Variants in MIA2 observed in about 807,000 individuals in gnomAD.
MIA2 encodes MIA SH3 domain ER export factor 2.
MIA2 carries 127 observed loss-of-function variants against 167.8 expected under a neutral mutation model. The ratio of observed to expected loss-of-function variants is 0.76; its 90% CI spans 0.66 to 0.88. The LOEUF is 0.88. Ranked by LOEUF, MIA2 falls within the 40% of genes least tolerant of loss-of-function variation. MIA2 has a pLI of 0.00. For synonymous variants in MIA2, 552 were observed against 541.9 expected (o/e 1.02, Z -0.26); for missense variants, 1,690 against 1,624.7 (o/e 1.04, Z -0.69).
chr14:39,342,544 A>G (rs368685766), intron 25 of MIA2, among the ~76,000 whole-genome samples: 35 of 152,252 alleles, frequency 2.3e-4, no homozygotes, highest in East Asian at 1.7e-3. Context: ...GGATGGCTGG[A>G]TCAAATGGTA....
intron 25 of MIA2, among the ~76,000 whole-genome samples, chr14:39,336,060 T>C (rs888469150): frequency 6.6e-6 from 1 of 152,256 alleles, no homozygotes; most frequent in African/African-American, 2.4e-5. Flanking sequence ...AGTGTTACGA[T>C]AAACATGAGT....
intron 23 of MIA2, among the ~76,000 whole-genome samples, chr14:39,363,995 C>T (rs538922953): frequency 6.6e-5 from 10 of 152,254 alleles, no homozygotes; most frequent in South Asian, 6.2e-4. Context: ...ACCTTTTAAG[C>T]GGAAAGTTTA....
intron 25 of MIA2, among the ~76,000 whole-genome samples, chr14:39,341,843 TATC>T (rs532911435): frequency 1.0e-3 from 152 of 152,298 alleles, no homozygotes; most frequent in African/African-American, 3.4e-3. Flanking sequence ...AAGCTTAATT[TATC>T]ATCAGATATT....
chr14:39,291,071 A>G lies in MIA2; in HGVS notation c.2183A>G (p.Glu728Gly). ...SSLKDASFEKEATEAQSLEAT... is the reference protein window; with the variant it reads ...SSLKDASFEKGATEAQSLEAT... ...TTAAAGGATGCCAGCTTTGAGAAGG[A>G]GGCAACAGAAGCACAAAGTTTGGAG... The change falls in exon 10 of 29, where the codon GAG becomes GGG. Residue 728 changes from glutamate to glycine, a missense_variant. Glu to Gly is a moderately conservative substitution (Grantham distance 98, BLOSUM62 -2). Transcript: ENST00000640607. 1 of 1,606,946 alleles carries G rather than the reference A, an allele frequency of 6.2e-7. No homozygotes were observed. The highest frequency in any genetic ancestry group is 8.5e-7 in the Non-Finnish European group (1 of 1,177,746).
At chr14:39,378,672 A>G (rs9805937) in intron 23 of MIA2, among the ~76,000 whole-genome samples, 10,968 of 152,284 alleles carry the variant, frequency 0.072, 487 homozygotes, top group South Asian at 0.18. Context: ...ATCTCTTATG[A>G]TTTTGGCACA....
chr14:39,259,051 C>T (rs1040217298), intron 6 of MIA2, among the ~76,000 whole-genome samples: 9 of 152,188 alleles, frequency 5.9e-5, no homozygotes, highest in East Asian at 1.9e-4. Flanking sequence ...TCAGGAGGCG[C>T]GGGGGTCAGG....
At chr14:39,347,815 C>CGCCT (rs2073657680) in intron 27 of MIA2, 44 bp downstream of exon 27, 1 of 1,048,964 alleles carries the variant, frequency 9.5e-7, no homozygotes, top group Non-Finnish European at 1.3e-6. Context: ...ATTCAGAAGC[C>CGCCT]TTCTTTTTTT....
intron 24 of MIA2, among the ~76,000 whole-genome samples, chr14:39,322,797 G>C (rs1161273339): frequency 6.6e-6 from 1 of 152,058 alleles, no homozygotes; most frequent in Non-Finnish European, 1.5e-5. Context: ...CAAAGATATA[G>C]GGCCTTATTT....
chr14:39,370,528 A>G, intron 23 of MIA2: 1 of 331,346 alleles, frequency 3.0e-6, no homozygotes. Context: ...ATTGTCATGG[A>G]GACTGCGCAG....
At chr14:39,301,307 C>T (rs570072619) in intron 14 of MIA2, among the ~76,000 whole-genome samples, 6 of 152,294 alleles carry the variant, frequency 3.9e-5, no homozygotes, top group South Asian at 2.1e-4. Flanking sequence ...TCAGGTGATC[C>T]GCCCACCTTA....
intron 16 of MIA2, among the ~76,000 whole-genome samples, 160 bp from the exon 17 acceptor site, chr14:39,304,131 G>T (rs2152896184): frequency 6.6e-6 from 1 of 152,196 alleles, no homozygotes; most frequent in South Asian, 2.1e-4. Context: ...TTTTAAGACG[G>T]AAGCTGCATT....
At chr14:39,303,622 C>G in intron 16 of MIA2, 98 bp downstream of exon 16, 3 of 778,352 alleles carry the variant, frequency 3.9e-6, no homozygotes, top group South Asian at 1.9e-5. Flanking sequence ...TTTTATTGTT[C>G]CCATATAAAT....
chr14:39,279,548 T>C lies in MIA2; in HGVS notation c.2130+11T>C. ...CTTGTTCAAAAAGAGGTAAGATATT[T>C]TTGAAAATAATATTCATGTTAGAGT... On this transcript the variant is annotated intron_variant, in intron 9 of 28. Transcript: ENST00000640607. 1 of 1,543,840 alleles carries C rather than the reference T, an allele frequency of 6.5e-7. No individual in the cohort carries two copies. Among genetic ancestry groups the C allele is most frequent in the Non-Finnish European group, 8.9e-7 (1 of 1,128,942 alleles).
intron 6 of MIA2, among the ~76,000 whole-genome samples, chr14:39,255,708 T>C (rs1326049014): frequency 6.6e-6 from 1 of 152,248 alleles, no homozygotes; most frequent in Non-Finnish European, 1.5e-5. Context: ...AGTTAAATAA[T>C]TGAACAGATA....
intron 7 of MIA2, 94 bp from the exon 8 acceptor site, chr14:39,279,243 C>A: frequency 4.1e-6 from 4 of 981,606 alleles, no homozygotes; most frequent in African/African-American, 1.7e-5. Flanking sequence ...CAATAAGAAA[C>A]CTGTATTTCT....
chr14:39,246,327 G>A (rs1209315632), intron 3 of MIA2, among the ~76,000 whole-genome samples: 6 of 151,022 alleles, frequency 4.0e-5, no homozygotes, highest in Non-Finnish European at 8.9e-5. Context: ...GAACTCCTAA[G>A]CTCAGGCAAT....
chr14:39,267,575 G>A (rs1048329668), intron 6 of MIA2: 1 of 1,600,088 alleles, frequency 6.2e-7, no homozygotes, highest in Non-Finnish European at 8.5e-7. Flanking sequence ...GGGAGCCGCC[G>A]GGGGAAGGAA....
intron 25 of MIA2, among the ~76,000 whole-genome samples, chr14:39,339,937 C>T (rs900723521): frequency 1.3e-5 from 2 of 152,196 alleles, no homozygotes; most frequent in African/African-American, 2.4e-5. Flanking sequence ...CCTCGACCTC[C>T]TGGGCCCAAG....
chr14:39,293,210 G>T (rs1199193259), intron 10 of MIA2, 61 bp from the exon 11 acceptor site: 3 of 1,117,578 alleles, frequency 2.7e-6, no homozygotes, highest in South Asian at 1.4e-5. Flanking sequence ...TATTATGCTC[G>T]TCTGATTTCC....
Sources: allele counts gnomAD v4.1 joint callset (sites outside exome capture counted in the v4.1 genomes callset), GRCh38; gene constraint gnomAD v4.1.1; transcripts MANE v1.5; gene names NCBI Gene and HGNC (gene_info 2026-07-23, HGNC 2026-07-21).